The following CNTN5 variants were observed in gnomAD, a reference collection of about 807,000 sequenced individuals.
CNTN5 encodes contactin 5.
Under a neutral mutation model 129.1 loss-of-function variants are expected in CNTN5, and 77 were observed. The ratio of observed to expected loss-of-function variants is 0.60; its 90% CI spans 0.50 to 0.72. The LOEUF (loss-of-function observed/expected upper bound fraction) is 0.72. Among genes scored for constraint, CNTN5 ranks in the 30% least tolerant of loss-of-function variants. The pLI is 0.00. For synonymous variants in CNTN5, 509 were observed against 465.6 expected, an observed-to-expected ratio of 1.09 and a Z score of -1.20; for missense variants, 1,478 against 1,328.8, an observed-to-expected ratio of 1.11 and a Z score of -1.75.
intron 2 of CNTN5, among the ~76,000 whole-genome samples, chr11:99,394,225 A>G (rs1357457011): frequency 6.6e-6 from 1 of 151,740 alleles, no homozygotes; most frequent in Non-Finnish European, 1.5e-5. Context: ...GTCAACAGCC[A>G]GCAAGGGAAA....
chr11:100,357,121 G>A lies in CNTN5; in HGVS notation c.*901G>A, dbSNP rs1752211377. On this transcript the variant is annotated 3_prime_UTR_variant, in exon 25 of 25. Transcript: ENST00000524871. ...AAAACAGATGTTGAATTAGGTCCAA[G>A]GTTTTCTTCTAATTGCAAAATTTTG... The A allele has an allele frequency of 6.6e-6, 1 of 151,504 alleles. No individual in the cohort carries two copies. The highest frequency in any genetic ancestry group is 1.5e-5 in the Non-Finnish European group (1 of 67,724). 9.4% of individuals were successfully genotyped at this position (151,504 alleles called of 1,614,324 possible). A position where few individuals can be genotyped will look rare whatever the true frequency, so the allele number is the denominator to read the frequency against.
chr11:99,732,844 G>A (rs1943579634), intron 3 of CNTN5, among the ~76,000 whole-genome samples: 1 of 150,690 alleles, frequency 6.6e-6, no homozygotes, highest in African/African-American at 2.4e-5. Context: ...CAGTTAAGAT[G>A]CTGGTGGAAT....
chr11:99,991,350 C>G (rs61910614), intron 8 of CNTN5, among the ~76,000 whole-genome samples: 57,443 of 151,712 alleles, frequency 0.38, 12,311 homozygotes, highest in African/African-American at 0.59. Context: ...CCCTGTAGTT[C>G]CAGCTACTCG....
At position 99,977,918 on chromosome 11, in the gene CNTN5, C is replaced by A. The variant is rs78172500; in HGVS notation, c.877+20909C>A. On this transcript the variant is annotated intron_variant, in intron 8 of 24. Transcript: ENST00000524871. ...GAATTATGTTATTAAAAATAAGGTTCAACAATGAGAATTTCAGTGCAGTAA... is the reference window on the plus strand; with the variant it reads ...GAATTATGTTATTAAAAATAAGGTTAAACAATGAGAATTTCAGTGCAGTAA... Among the ~76,000 whole-genome samples, 130 of 152,270 alleles carry A rather than the reference C, an allele frequency of 8.5e-4. 3 individuals are homozygous for A. The East Asian group carries it at 0.018, about 21-fold the overall frequency.
chr11:99,869,057 A>G (rs529259080), intron 6 of CNTN5, among the ~76,000 whole-genome samples: 214 of 152,312 alleles, frequency 1.4e-3, no homozygotes, highest in African/African-American at 4.9e-3. Flanking sequence ...CCCACTTATT[A>G]TATTTATCAA....
intron 1 of CNTN5, among the ~76,000 whole-genome samples, chr11:99,315,497 G>T (rs1865302060): frequency 6.7e-6 from 1 of 149,506 alleles, no homozygotes; most frequent in Admixed American, 6.7e-5. Flanking sequence ...TTCCAGATTT[G>T]GCACCTACTT....
intron 3 of CNTN5, among the ~76,000 whole-genome samples, chr11:99,778,100 G>A (rs1945188063): frequency 6.6e-6 from 1 of 151,616 alleles, no homozygotes; most frequent in African/African-American, 2.4e-5. Context: ...CTTACCAGAT[G>A]CACTGTTCAC....
rs553419458 is a variant in CNTN5 at position 100,230,910 on chromosome 11, T to C, written c.2005+6098T>C. On this transcript the variant is annotated intron_variant, in intron 16 of 24. Transcript: ENST00000524871. ...ATTGTAAGATGAAATTGTATTTCAC[T>C]ATATTTTGTCCCACAGACTTAACCT... Among the ~76,000 whole-genome samples, 6 of 152,366 alleles carry C rather than the reference T, an allele frequency of 3.9e-5. No individual in the cohort carries two copies. In the South Asian group the frequency reaches 1.2e-3, roughly 32 times the overall value.
chr11:99,863,613 T>C (rs895860278), intron 6 of CNTN5, among the ~76,000 whole-genome samples: 11 of 152,164 alleles, frequency 7.2e-5, no homozygotes, highest in African/African-American at 2.4e-4. Flanking sequence ...TAATTAATTG[T>C]TGTACTCATC....
chr11:99,693,530 G>A (rs1954129566), intron 3 of CNTN5, among the ~76,000 whole-genome samples: 1 of 151,744 alleles, frequency 6.6e-6, no homozygotes, highest in African/African-American at 2.4e-5. Flanking sequence ...CAAGCAGAGG[G>A]CACACAGGCC....
intron 9 of CNTN5, among the ~76,000 whole-genome samples, chr11:100,042,124 G>T (rs1942412773): frequency 6.6e-6 from 1 of 152,046 alleles, no homozygotes; most frequent in Non-Finnish European, 1.5e-5. Flanking sequence ...TGCCCCTGAA[G>T]GTTTCCAGAC....
chr11:99,260,840 G>A (rs867144971), intron 1 of CNTN5, among the ~76,000 whole-genome samples: 56 of 152,016 alleles, frequency 3.7e-4, no homozygotes, highest in African/African-American at 1.2e-3. Flanking sequence ...AGTGGGACTT[G>A]TGAGGGCACT....
intron 10 of CNTN5, among the ~76,000 whole-genome samples, chr11:100,063,554 T>A (rs1249782876): frequency 6.6e-6 from 1 of 151,962 alleles, no homozygotes; most frequent in Non-Finnish European, 1.5e-5. Context: ...CACCTTGCTT[T>A]GCCCTAGAAA....
At chr11:100,228,616 T>C (rs1229174028) in intron 16 of CNTN5, among the ~76,000 whole-genome samples, 1 of 152,216 alleles carries the variant, frequency 6.6e-6, no homozygotes, top group African/African-American at 2.4e-5. Flanking sequence ...ATAAAATAAG[T>C]CTACAGGTAT....
chr11:99,088,540 A>G (rs998374565), intron 1 of CNTN5, among the ~76,000 whole-genome samples: 1 of 152,312 alleles, frequency 6.6e-6, no homozygotes, highest in Non-Finnish European at 1.5e-5. Flanking sequence ...TGCACCTTGT[A>G]GTAACGATTC....
intron 3 of CNTN5, among the ~76,000 whole-genome samples, chr11:99,747,908 AGTT>A (rs1172011046): frequency 6.6e-6 from 1 of 152,098 alleles, no homozygotes; most frequent in African/African-American, 2.4e-5. Context: ...ATTGTTTGAG[AGTT>A]GTTAATCATA....
At chr11:99,488,860 A>G (rs957590251) in intron 2 of CNTN5, among the ~76,000 whole-genome samples, 1 of 152,102 alleles carries the variant, frequency 6.6e-6, no homozygotes, top group African/African-American at 2.4e-5. Flanking sequence ...TCATTGAAAG[A>G]TACTGAAAAA....
chr11:99,639,952 C>A (rs1951710694), intron 3 of CNTN5, among the ~76,000 whole-genome samples: 1 of 152,144 alleles, frequency 6.6e-6, no homozygotes, highest in Admixed American at 6.5e-5. Flanking sequence ...TTCCACAAAT[C>A]TCTAGGGCAG....
At chr11:99,333,289 T>C (rs562932977) in intron 2 of CNTN5, among the ~76,000 whole-genome samples, 1 of 152,166 alleles carries the variant, frequency 6.6e-6, no homozygotes, top group East Asian at 1.9e-4. Context: ...CACCTGTGAT[T>C]TAGGTGACTT....
Sources: allele counts gnomAD v4.1 joint callset (sites outside exome capture counted in the v4.1 genomes callset), GRCh38; gene constraint gnomAD v4.1.1; transcripts MANE v1.5; gene names NCBI Gene and HGNC (gene_info 2026-07-23, HGNC 2026-07-21).